Variants in TEF observed in about 807,000 individuals in gnomAD.
TEF encodes the protein TEF transcription factor, PAR bZIP family member, also known as thyrotroph embryonic factor.
TEF carries 3 observed loss-of-function variants against 20.8 expected under a neutral mutation model. The ratio of observed to expected loss-of-function variants is 0.14; its 90% CI spans 0.07 to 0.37. The LOEUF (loss-of-function observed/expected upper bound fraction) is 0.37, where lower values mean the gene tolerates loss of function less well. TEF is among the 10% of genes least tolerant of loss of function. The pLI, the probability that TEF is intolerant of heterozygous loss-of-function variation, is 1.00. For synonymous variants in TEF, 180 were observed against 171.1 expected (o/e 1.05, Z -0.41); for missense variants, 296 against 397.9 (o/e 0.74, Z 2.18).
rs34394084 is a variant in TEF at position 41,373,767 on chromosome 22, C to CTTTT, written c.67+6182_67+6185dup. Among the ~76,000 whole-genome samples, 7 of 125,590 alleles carry CTTTT rather than the reference C, an allele frequency of 5.6e-5. 1 individual carries two copies. 82.4% of individuals were successfully genotyped at this position (125,590 alleles called of 152,430 possible). ...ACAGTCGTAAGTCACCACGCCCGGACTTTTTTTTTTTTTTTTTGGAGACGG... is the reference window on the plus strand; with the variant it reads ...ACAGTCGTAAGTCACCACGCCCGGACTTTTTTTTTTTTTTTTTTTTTGGAGACGG... On this transcript the variant is annotated intron_variant, in intron 1 of 3. Transcript: ENST00000406644.
In TEF at chr22:41,397,336, T is replaced by A; in HGVS notation, c.*1376T>A. 2.6e-6 allele frequency: 1 copy of A among 379,304 alleles called. No individual in the cohort carries two copies. The highest frequency in any genetic ancestry group is 4.7e-6 in the Non-Finnish European group (1 of 213,994). 23.5% of individuals were successfully genotyped at this position (379,304 alleles called of 1,614,324 possible). On this transcript the variant is annotated 3_prime_UTR_variant, in exon 4 of 4. Transcript: ENST00000266304. ...TCGCCCTTTTGCTGTGCTCAGAAGA[T>A]TCACTGAGGAAACTCATGGAAGCCT...
intron 1 of TEF, among the ~76,000 whole-genome samples, chr22:41,371,161 C>T (rs1047839706): frequency 1.3e-5 from 2 of 152,372 alleles, no homozygotes; most frequent in East Asian, 3.9e-4. Flanking sequence ...TGGAAAGACA[C>T]TGTGTCTCTA....
intron 1 of TEF, among the ~76,000 whole-genome samples, chr22:41,382,579 T>C (rs2037048031): frequency 6.6e-6 from 1 of 152,058 alleles, no homozygotes; most frequent in South Asian, 2.1e-4. Flanking sequence ...GACAGGGGTC[T>C]TGCATTTTAA....
intron 1 of TEF, 127 bp downstream of exon 1, chr22:41,382,328 G>T: frequency 7.0e-6 from 6 of 859,470 alleles, no homozygotes; most frequent in Non-Finnish European, 9.3e-6. Flanking sequence ...GATGGGGCCT[G>T]GATGACCAGG....
intron 1 of TEF, 31 bp downstream of exon 1, chr22:41,382,232 G>GGGGGCGGGGCTTATACA (rs1569254830): frequency 1.6e-6 from 2 of 1,225,074 alleles, no homozygotes; most frequent in Non-Finnish European, 2.0e-6. Context: ...CGCGCGGGCT[G>GGGGGCGGGGCTTATACA]GGGGCGGGGC....
chr22:41,391,379 G>A lies in TEF; in HGVS notation c.476-2717G>A, dbSNP rs1216086124. Reference sequence around the variant, plus strand: ...CTTATTCTGTCACCCAGGCTGGAGTGCAGTGGTGTGATCTCAGCTCGCTGC... The same window carrying A: ...CTTATTCTGTCACCCAGGCTGGAGTACAGTGGTGTGATCTCAGCTCGCTGC... On this transcript the variant is annotated intron_variant, in intron 2 of 3. Transcript: ENST00000266304. Among the ~76,000 whole-genome samples, 6 of 151,504 alleles carry A rather than the reference G, an allele frequency of 4.0e-5. No homozygotes were observed. In the East Asian group the frequency reaches 1.2e-3, roughly 29 times the overall value.
intron 2 of TEF, among the ~76,000 whole-genome samples, chr22:41,389,016 T>C (rs2037133363): frequency 6.6e-6 from 1 of 152,124 alleles, no homozygotes; most frequent in Non-Finnish European, 1.5e-5. Flanking sequence ...ATAAGGGTTC[T>C]TTTAAAAAAA....
chr22:41,380,229 G>GA (rs1173814209), upstream of TEF, among the ~76,000 whole-genome samples: 2 of 152,136 alleles, frequency 1.3e-5, no homozygotes, highest in African/African-American at 4.8e-5. Context: ...TCGGCTCCCT[G>GA]AAACCTCCAC....
chr22:41,377,471 G>C (rs1398945257), upstream of TEF, among the ~76,000 whole-genome samples: 3 of 151,858 alleles, frequency 2.0e-5, no homozygotes, highest in African/African-American at 7.3e-5. Context: ...TTATTTCTTT[G>C]TCGGGCTCAC....
At position 41,395,836 on chromosome 22, in the gene TEF, T is replaced by C; in HGVS notation, c.788T>C (p.Ile263Thr). 6.2e-7 allele frequency: 1 copy of C among 1,614,142 alleles called. No homozygotes were observed. The highest frequency in any genetic ancestry group is 8.5e-7 in the Non-Finnish European group (1 of 1,180,016). The part of the protein sequence containing the change: ...ARRLKENQIT[I>T]RAAFLEKENT... The stretch of plus-strand genomic sequence containing the variant: ...CGCCTGAAAGAGAATCAGATCACCA[T>C]CCGGGCAGCCTTCCTGGAGAAGGAG... The change falls in exon 4 of 4, where the codon ATC becomes ACC. Residue 263 changes from isoleucine (I) to threonine (T), a missense_variant. By Grantham distance (89) the Ile-to-Thr change is moderately conservative. Around this residue, in one of 2 missense-constraint regions of TEF, gnomAD observed 194 missense variants for 317.8 expected, o/e 0.61. Transcript: ENST00000266304.
At chr22:41,372,473 A>G (rs921091025) in intron 1 of TEF, among the ~76,000 whole-genome samples, 1 of 152,148 alleles carries the variant, frequency 6.6e-6, no homozygotes, top group Non-Finnish European at 1.5e-5. Flanking sequence ...CAAGGAAGGT[A>G]TGATCATCCA....
At chr22:41,386,133 C>A (rs1057386879) in intron 1 of TEF, among the ~76,000 whole-genome samples, 6 of 152,170 alleles carry the variant, frequency 3.9e-5, no homozygotes, top group Non-Finnish European at 7.3e-5. Context: ...GCCAGTGCTA[C>A]AGGCTATTCT....
chr22:41,386,448 A>G (rs898852811), intron 1 of TEF, among the ~76,000 whole-genome samples: 2 of 151,740 alleles, frequency 1.3e-5, no homozygotes, highest in Non-Finnish European at 1.5e-5. Context: ...CTCAAAAAAA[A>G]AAATAAAACA....
intron 1 of TEF, 79 bp from the exon 2 acceptor site, chr22:41,387,272 C>T: frequency 2.0e-6 from 3 of 1,480,314 alleles, no homozygotes; most frequent in South Asian, 1.2e-5. Flanking sequence ...ATGGGCCAGG[C>T]CTGTGAGGCT....
At chr22:41,374,177 G>A (rs1000639352) in intron 1 of TEF, among the ~76,000 whole-genome samples, 3 of 151,976 alleles carry the variant, frequency 2.0e-5, no homozygotes, top group Admixed American at 2.0e-4. Context: ...AGGCTGAAGT[G>A]GGAGGAGTGC....
In TEF at chr22:41,394,272, A is replaced by G. The variant is rs377378433; in HGVS notation, c.652A>G (p.Met218Val). ...FAEEDLKPQPMIKKAKKVFVP... is the reference protein window; with the variant it reads ...FAEEDLKPQPVIKKAKKVFVP... Reference sequence around the variant, plus strand: ...TGAGGAGGACCTGAAGCCCCAGCCTATGATCAAAAAGGCCAAGAAGGTCTT... The same window carrying G: ...TGAGGAGGACCTGAAGCCCCAGCCTGTGATCAAAAAGGCCAAGAAGGTCTT... Residue 218 changes from methionine to valine, a missense_variant, in exon 3 of 4, where the codon ATG (methionine) becomes GTG (valine). Around this residue, in one of 2 missense-constraint regions of TEF, gnomAD observed 194 missense variants for 317.8 expected, o/e 0.61. Transcript: ENST00000266304. 5.0e-6 allele frequency: 8 copies of G among 1,614,008 alleles called. No individual in the cohort carries two copies. In the African/African-American group the frequency reaches 9.3e-5, roughly 19 times the overall value.
chr22:41,369,949 A>G (rs115907179), intron 1 of TEF: 4 of 985,336 alleles, frequency 4.1e-6, no homozygotes, highest in African/African-American at 1.7e-5. Flanking sequence ...CTCCTGCCCA[A>G]TGGCTGTGCT....
At chr22:41,367,857 C>T (rs2036839315) in intron 1 of TEF, among the ~76,000 whole-genome samples, 1 of 152,096 alleles carries the variant, frequency 6.6e-6, no homozygotes, top group African/African-American at 2.4e-5. Flanking sequence ...GTGCTGTGCT[C>T]ATGTGGGACC....
chr22:41,390,219 A>G (rs1474405597), intron 2 of TEF, among the ~76,000 whole-genome samples: 1 of 152,058 alleles, frequency 6.6e-6, no homozygotes. Context: ...AAATATATAT[A>G]TGCGTTTCTT....
Sources: allele counts gnomAD v4.1 joint callset (sites outside exome capture counted in the v4.1 genomes callset), GRCh38; gene constraint gnomAD v4.1.1; regional missense constraint gnomAD v4.1.1; transcripts MANE v1.5; gene names NCBI Gene and HGNC (gene_info 2026-07-23, HGNC 2026-07-21).